CATSPERD: variants seen among roughly 807,000 people sequenced by gnomAD.
CATSPERD encodes the protein catsper channel auxiliary subunit delta.
CATSPERD carries 86 observed loss-of-function variants against 98.1 expected under a neutral mutation model. That is an observed-to-expected ratio of 0.88 (90% CI 0.74 to 1.05). The LOEUF (loss-of-function observed/expected upper bound fraction) is 1.05, where lower values mean the gene tolerates loss of function less well. Among genes scored for constraint, CATSPERD ranks in the 50% least tolerant of loss-of-function variants. The pLI, the probability that CATSPERD is intolerant of heterozygous loss-of-function variation, is 0.00. For synonymous variants in CATSPERD, 394 were observed against 390.2 expected, an observed-to-expected ratio of 1.01 and a Z score of -0.12; for missense variants, 995 against 1,005.7, an observed-to-expected ratio of 0.99 and a Z score of 0.14.
intron 20 of CATSPERD, among the ~76,000 whole-genome samples, chr19:5,775,001 C>A (rs1194417794): frequency 1.3e-5 from 2 of 151,546 alleles, no homozygotes; most frequent in Non-Finnish European, 2.9e-5. Context: ...TGGGGGACAG[C>A]AGAAGAAAAT....
At chr19:5,758,991 T>G in intron 14 of CATSPERD, 95 bp from the exon 15 acceptor site, 1 of 1,036,168 alleles carries the variant, frequency 9.7e-7, no homozygotes, top group Non-Finnish European at 1.5e-6. Context: ...TCCCCCCATG[T>G]CCCCTCCAAC....
rs370250825 is a variant in CATSPERD at position 5,729,974 on chromosome 19, T to TGCTA, written c.276+32_276+35dup. 9 of 1,234,922 alleles carry TGCTA rather than the reference T, an allele frequency of 7.3e-6. No homozygotes were observed. In the African/African-American group the frequency reaches 1.3e-4, roughly 18 times the overall value. 76.5% of individuals were successfully genotyped at this position (1,234,922 alleles called of 1,614,324 possible). On this transcript the variant is annotated intron_variant, in intron 4 of 21. Transcript: ENST00000381624. ...TTATTTTACTGAGTGATCTGAAGGA[T>TGCTA]GCTAGTATAAGTAATATTTGGGGGA... is the stretch of plus-strand genomic sequence containing the variant.
chr19:5,770,836 C>T, intron 18 of CATSPERD, 108 bp from the exon 19 acceptor site: 1 of 1,339,690 alleles, frequency 7.5e-7, no homozygotes, highest in South Asian at 1.5e-5. Context: ...CCTCCTGCCA[C>T]TCTCATGGAC....
At chr19:5,743,324 A>G (rs948258436) in intron 7 of CATSPERD, among the ~76,000 whole-genome samples, 3 of 151,266 alleles carry the variant, frequency 2.0e-5, no homozygotes, top group South Asian at 4.2e-4. Context: ...AAGGCCAGGC[A>G]CTGTGGCTGA....
chr19:5,769,986 G>C (rs2056614516), intron 18 of CATSPERD, among the ~76,000 whole-genome samples: 1 of 151,848 alleles, frequency 6.6e-6, no homozygotes, highest in Non-Finnish European at 1.5e-5. Flanking sequence ...CTACTCAGGA[G>C]GCTGAGGTGG....
intron 7 of CATSPERD, among the ~76,000 whole-genome samples, chr19:5,740,762 CAAA>C (rs59937872): frequency 1.1e-4 from 4 of 36,490 alleles, no homozygotes; most frequent in Non-Finnish European, 1.7e-4. Context: ...AACTCCGTCT[CAAA>C]AAAAAAAAAA....
intron 13 of CATSPERD, among the ~76,000 whole-genome samples, chr19:5,755,996 A>G (rs1189364043): frequency 6.6e-6 from 1 of 151,042 alleles, no homozygotes; most frequent in Admixed American, 6.6e-5. Flanking sequence ...AAATAAAAAA[A>G]TTGTCCAGGC....
intron 2 of CATSPERD, among the ~76,000 whole-genome samples, chr19:5,726,407 T>C (rs549441905): frequency 6.6e-6 from 1 of 151,902 alleles, no homozygotes; most frequent in African/African-American, 2.4e-5. Context: ...TTAGGGACAG[T>C]GTATCTCTTT....
rs535443474 is a variant in CATSPERD at position 5,751,930 on chromosome 19, A to T, written c.1164+107A>T. On this transcript the variant is annotated intron_variant, in intron 12 of 21. Coordinates refer to ENST00000381624, the MANE Select transcript of CATSPERD (RefSeq NM_152784.4). ...GTAGCCCCAGTTGCTCAGGAGGCTG[A>T]GGCTGGAGGGTTGTTTGAGGCCAGG... 7.8e-4 allele frequency: 830 copies of T among 1,063,380 alleles called. 3 individuals carry two copies. Among genetic ancestry groups the T allele is most frequent in the Middle Eastern group, 4.0e-3 (12 of 3,016 alleles). 65.9% of individuals were successfully genotyped at this position (1,063,380 alleles called of 1,614,324 possible).
intron 3 of CATSPERD, among the ~76,000 whole-genome samples, chr19:5,728,705 C>CTT (rs201059226): frequency 0.019 from 2,693 of 145,164 alleles, 41 homozygotes; most frequent in Middle Eastern, 0.035. Flanking sequence ...CTCTCTCTCT[C>CTT]TTTTTTTTTT....
chr19:5,731,024 G>A (rs565615128), intron 4 of CATSPERD, among the ~76,000 whole-genome samples: 6 of 151,126 alleles, frequency 4.0e-5, no homozygotes, highest in South Asian at 2.1e-4. Context: ...CCCAGGAGGC[G>A]GAGCTTGTAG....
chr19:5,772,172 C>A lies in CATSPERD; in HGVS notation c.1764-616C>A, dbSNP rs568260913. On this transcript the variant is annotated intron_variant, in intron 19 of 21. Coordinates refer to ENST00000381624, the MANE Select transcript of CATSPERD (RefSeq NM_152784.4). ...AAGCGGTCCTCCTGCCTCAGCCTCCCAAGTAGCTGGGACTGCAGTTGCATA... is the reference window on the plus strand; with the variant it reads ...AAGCGGTCCTCCTGCCTCAGCCTCCAAAGTAGCTGGGACTGCAGTTGCATA... 281 of 405,102 alleles carry A rather than the reference C, an allele frequency of 6.9e-4. 4 individuals are homozygous for A. The highest frequency in any genetic ancestry group is 4.8e-3 in the South Asian group (276 of 56,960). 25.1% of individuals were successfully genotyped at this position (405,102 alleles called of 1,614,324 possible).
At chr19:5,729,211 T>G (rs2055668779) in intron 3 of CATSPERD, among the ~76,000 whole-genome samples, 1 of 152,036 alleles carries the variant, frequency 6.6e-6, no homozygotes, top group African/African-American at 2.4e-5. Context: ...TTCTCCTGCC[T>G]CAGCCTCCCA....
In CATSPERD at chr19:5,766,115, T is replaced by G; in HGVS notation, c.1519T>G (p.Ser507Ala). Residue 507 changes from serine (S) to alanine (A), a missense_variant, in exon 17 of 22, where the codon TCA becomes GCA. This residue lies in a region of CATSPERD where 762 missense variants were observed against 773.7 expected (regional missense o/e 0.98). Coordinates refer to ENST00000381624, the MANE Select transcript of CATSPERD (RefSeq NM_152784.4). The part of the protein sequence containing the change: ...VDIKPLSTLI[S>A]VGCDLDKKIV... ...CTCTCCTCTGCAGTCGACACTGATT[T>G]CAGTTGGCTGCGACCTGGATAAAAA... 1 of 1,613,108 alleles carries G rather than the reference T, an allele frequency of 6.2e-7. No homozygotes were observed. Among genetic ancestry groups the G allele is most frequent in the African/African-American group, 1.3e-5 (1 of 74,902 alleles).
chr19:5,755,607 A>T (rs1343109910), intron 13 of CATSPERD, among the ~76,000 whole-genome samples: 1 of 151,696 alleles, frequency 6.6e-6, no homozygotes, highest in Non-Finnish European at 1.5e-5. Context: ...CCATCTGTAC[A>T]AAAAACATAA....
At chr19:5,747,857 C>T (rs1400232909) in intron 9 of CATSPERD, among the ~76,000 whole-genome samples, 1 of 151,872 alleles carries the variant, frequency 6.6e-6, no homozygotes, top group Non-Finnish European at 1.5e-5. Context: ...AGCGATCTGC[C>T]CACCTCAGCC....
intron 15 of CATSPERD, among the ~76,000 whole-genome samples, chr19:5,761,348 C>T (rs1003047997): frequency 6.6e-6 from 1 of 152,052 alleles, no homozygotes; most frequent in Non-Finnish European, 1.5e-5. Flanking sequence ...GTGGTCCGTC[C>T]GCGTCAGCCT....
In CATSPERD at chr19:5,759,132, A is replaced by ACTTCACTTCCAGAT; in HGVS notation, c.1427_1427+1insATCTTCACTTCCAG (p.Ser476ArgfsTer7). 1 of 1,613,908 alleles carries ACTTCACTTCCAGAT rather than the reference A, an allele frequency of 6.2e-7. No homozygotes were observed. Among genetic ancestry groups the ACTTCACTTCCAGAT allele is most frequent in the South Asian group, 1.1e-5 (1 of 91,074 alleles). Reference sequence around the variant, plus strand: ...CAGCACTGGGGCAGGACCGACTCCAACTTCACTTCCAGGTATGTTGTCTCC... The same window carrying ACTTCACTTCCAGAT: ...CAGCACTGGGGCAGGACCGACTCCAACTTCACTTCCAGATCTTCACTTCCAGGTATGTTGTCTCC... On this transcript the variant is annotated frameshift_variant, in exon 15 of 22. Coordinates refer to ENST00000381624, the MANE Select transcript of CATSPERD (RefSeq NM_152784.4). LOFTEE classifies it high-confidence loss of function.
chr19:5,774,231 G>A (rs2056701289), intron 20 of CATSPERD, among the ~76,000 whole-genome samples: 1 of 151,890 alleles, frequency 6.6e-6, no homozygotes, highest in African/African-American at 2.4e-5. Context: ...CTCCCAAAGT[G>A]CTGGGATTAT....
Sources: allele counts gnomAD v4.1 joint callset (sites outside exome capture counted in the v4.1 genomes callset), GRCh38; gene constraint gnomAD v4.1.1; regional missense constraint gnomAD v4.1.1; transcripts MANE v1.5; gene names NCBI Gene and HGNC (gene_info 2026-07-23, HGNC 2026-07-21).